DOCK3: variants seen among roughly 807,000 people sequenced by gnomAD.
The protein encoded by DOCK3 is dedicator of cytokinesis 3.
In DOCK3, 60 loss-of-function variants were observed where a neutral mutation model predicts 265.6. The ratio of observed to expected loss-of-function variants is 0.23; its 90% confidence interval spans 0.18 to 0.28. The LOEUF (loss-of-function observed/expected upper bound fraction) is 0.28. DOCK3 is among the 10% of genes least tolerant of loss of function. The pLI, the probability that DOCK3 is intolerant of heterozygous loss-of-function variation, is 1.00. For missense variants in DOCK3, 1,981 were observed against 2,594.3 expected, an observed-to-expected ratio of 0.76 and a Z score of 5.14; for synonymous variants, 881 against 938.0, an observed-to-expected ratio of 0.94 and a Z score of 1.11.
chr3:50,748,409 A>G (rs373305376), intron 1 of DOCK3, among the ~76,000 whole-genome samples: 1 of 152,196 alleles, frequency 6.6e-6, no homozygotes, highest in Admixed American at 6.6e-5. Context: ...GGGTGGGGAA[A>G]GACAAGAGAC....
chr3:51,184,843 T>C (rs746152308), intron 12 of DOCK3, among the ~76,000 whole-genome samples: 1 of 152,156 alleles, frequency 6.6e-6, no homozygotes, highest in Non-Finnish European at 1.5e-5. Context: ...TTCAACCAGA[T>C]AATCAGGGAT....
intron 1 of DOCK3, among the ~76,000 whole-genome samples, chr3:50,751,296 G>A (rs990209364): frequency 1.3e-5 from 2 of 151,156 alleles, no homozygotes; most frequent in African/African-American, 2.4e-5. Context: ...AGATACATGT[G>A]CAGAACATGC....
At chr3:50,892,117 G>A (rs1444591300) in intron 4 of DOCK3, among the ~76,000 whole-genome samples, 1 of 152,072 alleles carries the variant, frequency 6.6e-6, no homozygotes, top group Non-Finnish European at 1.5e-5. Context: ...TTGTCTGCAG[G>A]CACTGGAGAA....
At chr3:51,314,825 A>T (rs915365656) in intron 31 of DOCK3, among the ~76,000 whole-genome samples, 155 bp from the exon 32 acceptor site, 1 of 152,206 alleles carries the variant, frequency 6.6e-6, no homozygotes, top group African/African-American at 2.4e-5. Context: ...AACTCTAAAA[A>T]GTTGAGGGAG....
chr3:50,786,306 A>T (rs1384426281), intron 2 of DOCK3, among the ~76,000 whole-genome samples: 4 of 152,112 alleles, frequency 2.6e-5, no homozygotes. Flanking sequence ...TTTGAAACTT[A>T]CAAAAGTCAC....
Position 51,354,865 on chromosome 3 carries a change from T to C in DOCK3, c.4108-17T>C, listed in dbSNP as rs1342401816. 2 of 1,612,064 alleles carry C rather than the reference T, an allele frequency of 1.2e-6. No homozygotes were observed. The highest frequency in any genetic ancestry group is 1.7e-5 in the Admixed American group (1 of 59,924). On this transcript the variant is annotated splice_polypyrimidine_tract_variant and intron_variant, in intron 40 of 52. Transcript: ENST00000266037. ...CAAGCAAAGCATACATAGAGTGTGC[T>C]CTTCTGTTTGTGGCAGAACAAAGAA... is the stretch of plus-strand genomic sequence containing the variant.
intron 1 of DOCK3, among the ~76,000 whole-genome samples, chr3:50,752,369 C>T (rs982153050): frequency 2.0e-5 from 3 of 151,896 alleles, no homozygotes; most frequent in African/African-American, 7.3e-5. Flanking sequence ...ATAAGCTGGG[C>T]GTGGTGGTGT....
At chr3:51,320,758 G>A (rs989347466) in intron 32 of DOCK3, among the ~76,000 whole-genome samples, 3 of 152,164 alleles carry the variant, frequency 2.0e-5, no homozygotes, top group Non-Finnish European at 4.4e-5. Context: ...GGCTGCTGCG[G>A]CCAGAATGCC....
chr3:51,163,253 C>T (rs1446076683), intron 12 of DOCK3, among the ~76,000 whole-genome samples: 1 of 152,146 alleles, frequency 6.6e-6, no homozygotes, highest in Non-Finnish European at 1.5e-5. Context: ...ATTAGTTGTT[C>T]ACATTCTTAT....
intron 32 of DOCK3, among the ~76,000 whole-genome samples, chr3:51,318,364 G>A (rs1387895381): frequency 6.6e-6 from 1 of 152,140 alleles, no homozygotes. Context: ...GGGCAACAGA[G>A]CAAGACTCTG....
At chr3:51,195,076 T>C (rs1447683572) in intron 12 of DOCK3, among the ~76,000 whole-genome samples, 1 of 152,082 alleles carries the variant, frequency 6.6e-6, no homozygotes, top group Non-Finnish European at 1.5e-5. Context: ...CCGCCCACCT[T>C]GAACTCCCAA....
intron 1 of DOCK3, among the ~76,000 whole-genome samples, chr3:50,768,655 A>G (rs375526681): frequency 2.0e-5 from 3 of 152,346 alleles, no homozygotes; most frequent in South Asian, 4.1e-4. Flanking sequence ...TCTTTCATCC[A>G]TTAATGGACA....
chr3:50,821,145 T>C (rs895419729), intron 2 of DOCK3, among the ~76,000 whole-genome samples: 17 of 120,042 alleles, frequency 1.4e-4, no homozygotes, highest in African/African-American at 2.5e-4. Flanking sequence ...TTTTTCTTTT[T>C]TTTTTTTTTT....
At chr3:51,314,954 A>T in intron 31 of DOCK3, 26 bp from the exon 32 acceptor site, 1 of 1,584,646 alleles carries the variant, frequency 6.3e-7, no homozygotes, top group Non-Finnish European at 8.6e-7. Context: ...AAGCAGGCAT[A>T]AACTAATTTG....
At chr3:50,890,410 A>G (rs879414065) in intron 4 of DOCK3, among the ~76,000 whole-genome samples, 3 of 152,074 alleles carry the variant, frequency 2.0e-5, no homozygotes, top group Non-Finnish European at 4.4e-5. Flanking sequence ...TGTTTTTACA[A>G]AGTGAAAGAG....
chr3:50,868,897 ATC>A (rs1266266201), intron 3 of DOCK3, among the ~76,000 whole-genome samples: 4 of 65,124 alleles, frequency 6.1e-5, no homozygotes, highest in South Asian at 7.5e-4. Context: ...TATTTGGATA[ATC>A]TGTTTTTTTT....
At chr3:51,086,404 C>A (rs932191033) in intron 7 of DOCK3, among the ~76,000 whole-genome samples, 6 of 152,198 alleles carry the variant, frequency 3.9e-5, no homozygotes, top group African/African-American at 1.4e-4. Flanking sequence ...TTGTTTATGG[C>A]CAGTTTTGGG....
chr3:50,917,517 A>AT (rs1458369217), intron 4 of DOCK3, among the ~76,000 whole-genome samples: 1 of 152,024 alleles, frequency 6.6e-6, no homozygotes, highest in Non-Finnish European at 1.5e-5. Context: ...TTTTAAGGAT[A>AT]TTTTAAATTT....
At chr3:50,788,196 C>T in intron 2 of DOCK3, 6 of 756,152 alleles carry the variant, frequency 7.9e-6, no homozygotes, top group Non-Finnish European at 1.0e-5. Context: ...ATGGCACTTG[C>T]CCATGACGGC....
Sources: allele counts gnomAD v4.1 joint callset (sites outside exome capture counted in the v4.1 genomes callset), GRCh38; gene constraint gnomAD v4.1.1; transcripts MANE v1.5; gene names NCBI Gene and HGNC (gene_info 2026-07-23, HGNC 2026-07-21).